The following COG5 variants were observed in gnomAD, a reference collection of about 807,000 sequenced individuals.
COG5 encodes conserved oligomeric Golgi complex subunit 5.
Under a neutral mutation model 110.4 loss-of-function variants are expected in COG5, and 86 were observed. The observed-to-expected ratio is 0.78, with a 90% CI of 0.65 to 0.93. COG5 has a LOEUF of 0.93. Among genes scored for constraint, COG5 ranks in the 40% least tolerant of loss-of-function variants. The pLI, the probability that COG5 is intolerant of heterozygous loss-of-function variation, is 0.00. For missense variants in COG5, 1,077 were observed against 987.0 expected (o/e 1.09, Z -1.22); for synonymous variants, 360 against 334.6 (o/e 1.08, Z -0.83).
intron 11 of COG5, among the ~76,000 whole-genome samples, chr7:107,315,956 G>C (rs1228903285): frequency 6.6e-6 from 1 of 152,104 alleles, no homozygotes; most frequent in Non-Finnish European, 1.5e-5. Context: ...CACTATACAA[G>C]ACAGATAGGT....
At chr7:107,277,362 C>G (rs1275103040) in intron 14 of COG5, among the ~76,000 whole-genome samples, 1 of 152,110 alleles carries the variant, frequency 6.6e-6, no homozygotes, top group Non-Finnish European at 1.5e-5. Context: ...AGTAAAGCCC[C>G]TTACTCATTA....
At chr7:107,338,356 A>G (rs950722556) in intron 10 of COG5, among the ~76,000 whole-genome samples, 1 of 152,170 alleles carries the variant, frequency 6.6e-6, no homozygotes, top group African/African-American at 2.4e-5. Context: ...GTACATGGCC[A>G]TATGATCTTT....
intron 14 of COG5, 123 bp from the exon 15 acceptor site, chr7:107,258,506 C>T (rs1448791036): frequency 4.2e-6 from 3 of 721,748 alleles, no homozygotes; most frequent in African/African-American, 1.7e-5. Context: ...GAAGTTCATG[C>T]CCCTCTGACA....
At chr7:107,301,823 C>T (rs951989912) in intron 11 of COG5, among the ~76,000 whole-genome samples, 7 of 151,948 alleles carry the variant, frequency 4.6e-5, no homozygotes, top group African/African-American at 1.2e-4. Flanking sequence ...AAGCCAAGAT[C>T]GTGCCACTGC....
At position 107,563,885 on chromosome 7, in the gene COG5, G is replaced by C; in HGVS notation, c.12C>G (p.Gly4=). 6.2e-7 allele frequency: 1 copy of C among 1,613,708 alleles called. No homozygotes were observed. Among genetic ancestry groups the C allele is most frequent in the Non-Finnish European group, 8.5e-7 (1 of 1,179,944 alleles). The part of the protein sequence containing the change: MEG[G]GGSVAVAGLG... ...GGCCAGCTACAGCGACGCTGCCGCC[G>C]CCACCTTCCATGTTGGCAGGTGCCG... is the stretch of plus-strand genomic sequence containing the variant. Residue 4 remains glycine, a synonymous_variant, in exon 1 of 22, where the codon GGC becomes GGG. Transcript: ENST00000297135.
At chr7:107,494,718 C>T (rs569688010) in intron 6 of COG5, among the ~76,000 whole-genome samples, 23 of 152,032 alleles carry the variant, frequency 1.5e-4, no homozygotes, top group South Asian at 8.3e-4. Flanking sequence ...CATTTGAAGG[C>T]GACAGAAATA....
chr7:107,540,552 C>G (rs966388027), intron 5 of COG5, among the ~76,000 whole-genome samples: 3 of 149,822 alleles, frequency 2.0e-5, no homozygotes, highest in African/African-American at 7.4e-5. Flanking sequence ...TACTCCAGCC[C>G]AAGTGACAGG....
intron 18 of COG5, among the ~76,000 whole-genome samples, chr7:107,235,781 A>G (rs1455058019): frequency 6.6e-6 from 1 of 152,220 alleles, no homozygotes; most frequent in Non-Finnish European, 1.5e-5. Context: ...TAATGAAAGC[A>G]TGTTTGGGGT....
At chr7:107,372,398 T>C (rs1014727189) in intron 8 of COG5, among the ~76,000 whole-genome samples, 197 bp downstream of exon 8, 3 of 152,214 alleles carry the variant, frequency 2.0e-5, no homozygotes, top group African/African-American at 4.8e-5. Flanking sequence ...GTTCTGAATA[T>C]ACCAGTTGGC....
At chr7:107,528,337 C>T (rs1357768122) in intron 5 of COG5, among the ~76,000 whole-genome samples, 9 of 152,174 alleles carry the variant, frequency 5.9e-5, no homozygotes, top group Admixed American at 6.5e-5. Flanking sequence ...GAACCTCCCA[C>T]ATCAGACTCC....
rs184598026 is a variant in COG5 at position 107,241,303 on chromosome 7, T to C, written c.1854-4616A>G. Among the ~76,000 whole-genome samples the C allele has an allele frequency of 1.1e-3, 162 of 152,066 alleles. 1 individual carries two copies. Among genetic ancestry groups the C allele is most frequent in the African/African-American group, 3.8e-3 (157 of 41,516 alleles). On this transcript the variant is annotated intron_variant, in intron 17 of 21. Transcript: ENST00000297135. Reference sequence around the variant, plus strand: ...AACAAAAACCATTTCCTCTCAAATATTGGTAATCAGCAGTTATATAATCCT... The same window carrying C: ...AACAAAAACCATTTCCTCTCAAATACTGGTAATCAGCAGTTATATAATCCT...
At chr7:107,523,475 G>A (rs566404315) in intron 6 of COG5, among the ~76,000 whole-genome samples, 6 of 151,952 alleles carry the variant, frequency 3.9e-5, no homozygotes, top group Non-Finnish European at 5.9e-5. Context: ...AACATGTGTT[G>A]GCATGGTTGT....
At chr7:107,284,831 T>C (rs1301428707) in intron 12 of COG5, among the ~76,000 whole-genome samples, 1 of 152,248 alleles carries the variant, frequency 6.6e-6, no homozygotes, top group East Asian at 1.9e-4. Context: ...TCTCACATCA[T>C]CCCTGTTTAC....
intron 10 of COG5, among the ~76,000 whole-genome samples, chr7:107,343,976 A>G (rs1811388999): frequency 6.6e-6 from 1 of 152,046 alleles, no homozygotes; most frequent in Admixed American, 6.6e-5. Context: ...CAATTTATAG[A>G]GCACAAGCAG....
At chr7:107,435,439 G>C (rs545772224) in intron 6 of COG5, among the ~76,000 whole-genome samples, 1 of 152,102 alleles carries the variant, frequency 6.6e-6, no homozygotes, top group Non-Finnish European at 1.5e-5. Flanking sequence ...GATCACTTGA[G>C]GTCAGGAATT....
chr7:107,285,932 T>C (rs572246732), intron 12 of COG5, among the ~76,000 whole-genome samples: 1 of 150,762 alleles, frequency 6.6e-6, no homozygotes, highest in South Asian at 2.1e-4. Context: ...TACACAAAAA[T>C]AAAAATTTAA....
At chr7:107,428,166 G>A (rs1193154300) in intron 6 of COG5, among the ~76,000 whole-genome samples, 17 of 152,172 alleles carry the variant, frequency 1.1e-4, no homozygotes, top group Admixed American at 1.1e-3. Context: ...AATATGGTAT[G>A]CGGATTTATA....
intron 6 of COG5, among the ~76,000 whole-genome samples, chr7:107,497,499 C>G (rs1798353714): frequency 6.6e-6 from 1 of 152,046 alleles, no homozygotes; most frequent in Non-Finnish European, 1.5e-5. Context: ...TATGTACCAA[C>G]AACAATCTAT....
chr7:107,345,776 A>C (rs1811549142), intron 10 of COG5, among the ~76,000 whole-genome samples: 1 of 152,226 alleles, frequency 6.6e-6, no homozygotes, highest in African/African-American at 2.4e-5. Flanking sequence ...ACAAGAAATC[A>C]CATGAATTAG....
Sources: gnomAD v4.1 joint callset for allele counts (sites outside exome capture counted in the v4.1 genomes callset) on GRCh38, gnomAD v4.1.1 for gene constraint, MANE v1.5 for transcripts, NCBI Gene and HGNC (gene_info 2026-07-23, HGNC 2026-07-21) for gene names.